The following GRIN2B variants were observed in gnomAD, a reference collection of about 807,000 sequenced individuals.
GRIN2B encodes the protein glutamate receptor ionotropic, NMDA 2B.
In GRIN2B, 5 loss-of-function variants were observed where a neutral mutation model predicts 114.5. The ratio of observed to expected loss-of-function variants is 0.04; its 90% confidence interval spans 0.02 to 0.09. The LOEUF is 0.09. GRIN2B is among the 10% of genes least tolerant of loss of function. The probability of loss-of-function intolerance (pLI) is 1.00; values close to 1 mark genes in which losing one functional copy is unlikely to be tolerated. For missense variants in GRIN2B, 1,108 were observed against 1,943.5 expected (o/e 0.57, Z 8.08); for synonymous variants, 787 against 745.1 (o/e 1.06, Z -0.92).
chr12:13,977,681 G>T (rs1271784967), intron 2 of GRIN2B, among the ~76,000 whole-genome samples: 3 of 152,054 alleles, frequency 2.0e-5, no homozygotes, highest in Non-Finnish European at 4.4e-5. Flanking sequence ...GAAAAAGGGG[G>T]CGAGAACAAA....
At chr12:13,953,621 A>G (rs1867535849) in intron 2 of GRIN2B, among the ~76,000 whole-genome samples, 1 of 152,156 alleles carries the variant, frequency 6.6e-6, no homozygotes, top group Non-Finnish European at 1.5e-5. Flanking sequence ...AGGAGAAGCT[A>G]CAATATATCT....
At chr12:13,585,783 A>T (rs1948914326) in intron 10 of GRIN2B, among the ~76,000 whole-genome samples, 1 of 152,174 alleles carries the variant, frequency 6.6e-6, no homozygotes, top group Admixed American at 6.5e-5. Flanking sequence ...TGGGAAATTC[A>T]TTACCTATCG....
chr12:13,920,875 C>G (rs1866811049), intron 2 of GRIN2B, among the ~76,000 whole-genome samples: 1 of 152,132 alleles, frequency 6.6e-6, no homozygotes, highest in African/African-American at 2.4e-5. Flanking sequence ...ATTTCCTCTT[C>G]AAAATACCCA....
intron 2 of GRIN2B, among the ~76,000 whole-genome samples, chr12:13,880,745 C>T (rs1324823277): frequency 6.6e-6 from 1 of 152,166 alleles, no homozygotes. Context: ...CGAAAACTTC[C>T]CTCTGCTCAC....
intron 5 of GRIN2B, among the ~76,000 whole-genome samples, chr12:13,627,352 C>T (rs1009989725): frequency 1.3e-5 from 2 of 152,120 alleles, no homozygotes; most frequent in African/African-American, 4.8e-5. Context: ...CAAAACAGTT[C>T]TCATAATGTA....
In GRIN2B at chr12:13,562,209, TTA is replaced by T. The variant is rs1252205362; in HGVS notation, c.*572_*573del. ...GGGGTTGAAGCAAGCATTTTTTGGC[TTA>T]TATATAAACACAAATGGCCTCCCAA... On this transcript the variant is annotated 3_prime_UTR_variant, in exon 14 of 14. Coordinates refer to ENST00000609686, the MANE Select transcript of GRIN2B (RefSeq NM_000834.5). 1 of 153,500 alleles carries T rather than the reference TTA, an allele frequency of 6.5e-6. No homozygotes were observed. Among genetic ancestry groups the T allele is most frequent in the African/African-American group, 2.4e-5 (1 of 41,446 alleles). 9.5% of individuals were successfully genotyped at this position (153,500 alleles called of 1,614,324 possible). A position where few individuals can be genotyped will look rare whatever the true frequency, so the allele number is the denominator to read the frequency against.
At chr12:13,591,882 G>T (rs1949013822) in intron 10 of GRIN2B, among the ~76,000 whole-genome samples, 2 of 152,012 alleles carry the variant, frequency 1.3e-5, no homozygotes, top group Admixed American at 1.3e-4. Context: ...GAAATATGCT[G>T]CCCCCAAGAA....
At chr12:13,619,243 T>C (rs1949486646) in intron 5 of GRIN2B, among the ~76,000 whole-genome samples, 1 of 152,228 alleles carries the variant, frequency 6.6e-6, no homozygotes, top group Admixed American at 6.5e-5. Context: ...ACAGTATTTG[T>C]ACTCAAAATC....
chr12:13,780,348 C>T (rs1864084864), intron 3 of GRIN2B, among the ~76,000 whole-genome samples: 1 of 152,052 alleles, frequency 6.6e-6, no homozygotes, highest in African/African-American at 2.4e-5. Flanking sequence ...GAATTCTAGC[C>T]AGTATTTCAT....
chr12:13,921,965 C>G (rs888583782), intron 2 of GRIN2B, among the ~76,000 whole-genome samples: 2 of 152,070 alleles, frequency 1.3e-5, no homozygotes, highest in Non-Finnish European at 2.9e-5. Flanking sequence ...CAACCTTGAC[C>G]AAGTTATTTT....
rs963602316 is a variant in GRIN2B at position 13,542,086 on chromosome 12, ACG to A, written c.*20695_*20696del. 8 of 150,214 alleles carry A rather than the reference ACG, an allele frequency of 5.3e-5. No individual in the cohort carries two copies. The highest frequency in any genetic ancestry group is 1.7e-4 in the African/African-American group (7 of 40,798). 9.3% of individuals were successfully genotyped at this position (150,214 alleles called of 1,614,324 possible). ...CTAAGCCCTCTCCTGATCCTTGAAA[ACG>A]CTCTCTCAAGGCTTTTAAAGACTTT... is the stretch of plus-strand genomic sequence containing the variant. On this transcript the variant is annotated 3_prime_UTR_variant, in exon 14 of 14. Coordinates refer to ENST00000609686, the MANE Select transcript of GRIN2B (RefSeq NM_000834.5).
rs1806194 is a variant in GRIN2B, at chr12:13,570,193, T to C, written c.2172-176A>G. On this transcript the variant is annotated intron_variant, in intron 11 of 13. Coordinates refer to ENST00000609686, the MANE Select transcript of GRIN2B (RefSeq NM_000834.5). ...AGCCTAAATCCCAGGCTGTTCTTTA[T>C]GTGCTTTTGGGTTGAAAGGAGGAGT... 0.3 allele frequency among the ~76,000 whole-genome samples: 45,612 copies of C among 152,162 alleles called. 8,701 individuals are homozygous for C. The highest frequency in any genetic ancestry group is 0.5 in the Middle Eastern group (146 of 294).
intron 2 of GRIN2B, among the ~76,000 whole-genome samples, chr12:13,878,244 T>A (rs1209977382): frequency 6.6e-6 from 1 of 151,978 alleles, no homozygotes; most frequent in Non-Finnish European, 1.5e-5. Flanking sequence ...GGCTATCGAC[T>A]CCCCCGACCC....
intron 5 of GRIN2B, among the ~76,000 whole-genome samples, chr12:13,672,049 C>T (rs1950027226): frequency 6.6e-6 from 1 of 152,098 alleles, no homozygotes; most frequent in South Asian, 2.1e-4. Flanking sequence ...ACAGGAATGA[C>T]AAATATGTCC....
chr12:13,913,278 C>T (rs1866655167), intron 2 of GRIN2B, among the ~76,000 whole-genome samples: 1 of 152,172 alleles, frequency 6.6e-6, no homozygotes, highest in Non-Finnish European at 1.5e-5. Flanking sequence ...CCATTCAACA[C>T]CCCTGATGCC....
chr12:13,749,479 T>C (rs1168749888), intron 4 of GRIN2B, among the ~76,000 whole-genome samples: 1 of 152,206 alleles, frequency 6.6e-6, no homozygotes, highest in Non-Finnish European at 1.5e-5. Flanking sequence ...CTCCCAGAAA[T>C]CTCCCAGAGA....
intron 10 of GRIN2B, among the ~76,000 whole-genome samples, chr12:13,574,062 C>T (rs1035590527): frequency 9.9e-5 from 15 of 152,156 alleles, no homozygotes; most frequent in Admixed American, 3.3e-4. Flanking sequence ...GCCAAATGGG[C>T]CACTCAGGGT....
At chr12:13,866,455 T>C (rs1048928394) in intron 2 of GRIN2B, among the ~76,000 whole-genome samples, 5 of 152,178 alleles carry the variant, frequency 3.3e-5, no homozygotes. Flanking sequence ...AAAGGTGCTA[T>C]TGCTATAGTC....
chr12:13,586,633 G>A (rs922409884), intron 10 of GRIN2B, among the ~76,000 whole-genome samples: 1 of 152,156 alleles, frequency 6.6e-6, no homozygotes, highest in African/African-American at 2.4e-5. Flanking sequence ...GATCCGACAA[G>A]CCACATAGCA....
Sources: gnomAD v4.1 joint callset for allele counts (sites outside exome capture counted in the v4.1 genomes callset) on GRCh38, gnomAD v4.1.1 for gene constraint, MANE v1.5 for transcripts, NCBI Gene and HGNC (gene_info 2026-07-23, HGNC 2026-07-21) for gene names.